COL25A1: variants seen among roughly 807,000 people sequenced by gnomAD.
COL25A1 encodes the protein collagen alpha-1(XXV) chain.
Under a neutral mutation model 128.4 loss-of-function variants are expected in COL25A1, and 103 were observed. The ratio of observed to expected loss-of-function variants is 0.80; its 90% CI spans 0.68 to 0.94. COL25A1 has a LOEUF of 0.94. COL25A1 is among the 40% of genes least tolerant of loss of function. COL25A1 has a pLI of 0.00. For missense variants in COL25A1, 745 were observed against 840.0 expected (o/e 0.89, Z 1.40); for synonymous variants, 279 against 277.2 (o/e 1.01, Z -0.06).
intron 3 of COL25A1, among the ~76,000 whole-genome samples, chr4:109,100,705 T>G (rs1765814465): frequency 6.6e-6 from 1 of 152,142 alleles, no homozygotes. Flanking sequence ...CTGAGAAAAA[T>G]GTTAACCTCT....
intron 3 of COL25A1, among the ~76,000 whole-genome samples, chr4:109,281,830 A>C (rs1407385997): frequency 1.3e-5 from 2 of 152,250 alleles, no homozygotes; most frequent in African/African-American, 2.4e-5. Context: ...ATGCTAAAGC[A>C]AAGATAACTA....
In COL25A1 at chr4:108,832,402, G is replaced by T; in HGVS notation, c.1688C>A (p.Pro563His). ...TACTCTTTCTCCTTTGGGACCTGCAGGGCCATGGGGTCCCATAGGACCATC... is the reference window on the plus strand; with the variant it reads ...TACTCTTTCTCCTTTGGGACCTGCATGGCCATGGGGTCCCATAGGACCATC... ...GTDGPMGPHG[P>H]AGPKGERGEK... The change falls in exon 32 of 38, where the codon CCT becomes CAT. Residue 563 changes from proline to histidine, a missense_variant. Coordinates refer to ENST00000399132, the MANE Select transcript of COL25A1 (RefSeq NM_198721.4). The T allele has an allele frequency of 6.2e-7, 1 of 1,611,358 alleles. No individual in the cohort carries two copies. The highest frequency in any genetic ancestry group is 8.5e-7 in the Non-Finnish European group (1 of 1,178,436).
intron 3 of COL25A1, among the ~76,000 whole-genome samples, chr4:109,074,985 G>A (rs1763267627): frequency 6.6e-6 from 1 of 152,106 alleles, no homozygotes; most frequent in African/African-American, 2.4e-5. Context: ...GCTCTGTATT[G>A]CATGTATCCC....
chr4:108,924,147 G>A (rs960570732), intron 11 of COL25A1, among the ~76,000 whole-genome samples: 1 of 152,072 alleles, frequency 6.6e-6, no homozygotes, highest in African/African-American at 2.4e-5. Context: ...TTTAATTGAA[G>A]AATTCTGCAT....
At position 108,998,844 on chromosome 4, in the gene COL25A1, G is replaced by C. The variant is rs994036585; in HGVS notation, c.438+11514C>G. Among the ~76,000 whole-genome samples, 14 of 152,274 alleles carry C rather than the reference G, an allele frequency of 9.2e-5. No homozygotes were observed. The South Asian group carries it at 1.7e-3, about 18-fold the overall frequency. On this transcript the variant is annotated intron_variant, in intron 6 of 37. Transcript: ENST00000399132. ...CAACCCTCTGATCTTTGACAAGCCT[G>C]ACAAAAACAAGCAATGGGGAAAGGA... is the stretch of plus-strand genomic sequence containing the variant.
chr4:108,937,013 G>A (rs1262044186), intron 11 of COL25A1, among the ~76,000 whole-genome samples: 1 of 152,046 alleles, frequency 6.6e-6, no homozygotes, highest in Admixed American at 6.6e-5. Context: ...GTGTCAAGCT[G>A]ATTGTGGTCA....
At chr4:109,267,624 G>C (rs1449032448) in intron 3 of COL25A1, among the ~76,000 whole-genome samples, 1 of 151,984 alleles carries the variant, frequency 6.6e-6, no homozygotes, top group East Asian at 1.9e-4. Flanking sequence ...CGTACATGTT[G>C]AATCATCCCT....
chr4:109,254,505 A>ATATATATATATATATATATATATGTG (rs1383703429), intron 3 of COL25A1, among the ~76,000 whole-genome samples: 12 of 105,004 alleles, frequency 1.1e-4, no homozygotes, highest in African/African-American at 2.1e-4. Flanking sequence ...ATATATATAT[A>ATATATATATATATATATATATATGTG]TGTATGTGTG....
Position 108,809,823 on chromosome 4 carries a change from C to A in COL25A1, c.*4104G>T, listed in dbSNP as rs966110205. On this transcript the variant is annotated 3_prime_UTR_variant, in exon 38 of 38. Coordinates refer to ENST00000399132, the MANE Select transcript of COL25A1 (RefSeq NM_198721.4). ...TTTAGCATAATCATAATTGGTCAAGCTTGTTAATTCCACTAGGGATGTATG... is the reference window on the plus strand; with the variant it reads ...TTTAGCATAATCATAATTGGTCAAGATTGTTAATTCCACTAGGGATGTATG... 1.3e-5 allele frequency: 2 copies of A among 151,998 alleles called. No homozygotes were observed. The highest frequency in any genetic ancestry group is 2.9e-5 in the Non-Finnish European group (2 of 67,892). The allele number at this position is 151,998 out of a possible 1,614,324, so 9.4% of individuals were successfully genotyped here. A position where few individuals can be genotyped will look rare whatever the true frequency, so the allele number is the denominator to read the frequency against.
At position 109,192,989 on chromosome 4, in the gene COL25A1, T is replaced by A. The variant is rs140696658; in HGVS notation, c.367+107594A>T. On this transcript the variant is annotated intron_variant, in intron 3 of 37. Coordinates refer to ENST00000399132, the MANE Select transcript of COL25A1 (RefSeq NM_198721.4). ...TCAGAAGAAACCAACCCTGCTGACA[T>A]CCTGATCTTGGACTTCTAGCCTCCA... is the stretch of plus-strand genomic sequence containing the variant. 1.0e-3 allele frequency among the ~76,000 whole-genome samples: 156 copies of A among 152,212 alleles called. 2 individuals carry two copies. The South Asian group carries it at 0.025, about 24-fold the overall frequency.
intron 32 of COL25A1, among the ~76,000 whole-genome samples, chr4:108,830,444 C>T (rs972224552): frequency 6.6e-6 from 1 of 152,144 alleles, no homozygotes; most frequent in African/African-American, 2.4e-5. Context: ...CCTCCCTTTG[C>T]CGATTCTGAC....
chr4:108,916,521 G>GA (rs1441351048), intron 13 of COL25A1, among the ~76,000 whole-genome samples: 3 of 152,040 alleles, frequency 2.0e-5, no homozygotes, highest in Non-Finnish European at 4.4e-5. Context: ...TGTCAAAGCT[G>GA]AAAAATGAAA....
chr4:109,278,709 T>C (rs1191738924), intron 3 of COL25A1, among the ~76,000 whole-genome samples: 2 of 152,206 alleles, frequency 1.3e-5, no homozygotes. Flanking sequence ...ATAAAGAATT[T>C]GGTGACTCGG....
chr4:109,229,059 C>T (rs927063579), intron 3 of COL25A1, among the ~76,000 whole-genome samples: 2 of 152,110 alleles, frequency 1.3e-5, no homozygotes, highest in Non-Finnish European at 2.9e-5. Context: ...AACAAAAATG[C>T]TCAAGAGACA....
intron 5 of COL25A1, among the ~76,000 whole-genome samples, chr4:109,022,827 T>TC (rs1757895580): frequency 6.6e-6 from 1 of 152,146 alleles, no homozygotes; most frequent in African/African-American, 2.4e-5. Context: ...TCTACGGCAT[T>TC]CAAAGGCTGT....
intron 32 of COL25A1, among the ~76,000 whole-genome samples, chr4:108,831,389 C>T (rs1469703459): frequency 1.3e-5 from 2 of 152,004 alleles, no homozygotes; most frequent in Admixed American, 1.3e-4. Context: ...GATCACTCTA[C>T]AGAACACAGA....
At chr4:109,123,687 G>T (rs1312817490) in intron 3 of COL25A1, among the ~76,000 whole-genome samples, 1 of 151,986 alleles carries the variant, frequency 6.6e-6, no homozygotes, top group Non-Finnish European at 1.5e-5. Flanking sequence ...GATAATGCTG[G>T]AATTGAAAAA....
chr4:109,041,042 G>A (rs1296164276), intron 5 of COL25A1, among the ~76,000 whole-genome samples: 1 of 151,904 alleles, frequency 6.6e-6, no homozygotes, highest in Non-Finnish European at 1.5e-5. Flanking sequence ...TTTTTTCACA[G>A]AAGCATTGCT....
chr4:109,142,632 G>A (rs886186593), intron 3 of COL25A1, among the ~76,000 whole-genome samples: 5 of 151,624 alleles, frequency 3.3e-5, no homozygotes, highest in African/African-American at 9.7e-5. Flanking sequence ...TTAGCTTTGT[G>A]TTGCATTGAT....
Sources: allele counts gnomAD v4.1 joint callset (sites outside exome capture counted in the v4.1 genomes callset), GRCh38; gene constraint gnomAD v4.1.1; transcripts MANE v1.5; gene names NCBI Gene and HGNC (gene_info 2026-07-23, HGNC 2026-07-21).